Variants in NIPAL2 observed in about 807,000 individuals in gnomAD.
NIPAL2 encodes the protein NIPA like domain containing 2, also known as NIPA-like protein 2.
In NIPAL2, 43 loss-of-function variants were observed where a neutral mutation model predicts 48.9. That is an observed-to-expected ratio of 0.88 (90% CI 0.69 to 1.13). NIPAL2 has a LOEUF of 1.13. Ranked by LOEUF, NIPAL2 falls within the 50% of genes most tolerant of loss-of-function variation. The pLI, the probability that NIPAL2 is intolerant of heterozygous loss-of-function variation, is 0.00. For synonymous variants in NIPAL2, 167 were observed against 174.6 expected, an observed-to-expected ratio of 0.96 and a Z score of 0.34; for missense variants, 446 against 461.4, an observed-to-expected ratio of 0.97 and a Z score of 0.31.
chr8:98,193,011 T>G lies in NIPAL2; in HGVS notation c.1119A>C (p.Thr373=), dbSNP rs369076771. The G allele has an allele frequency of 8.1e-6, 13 of 1,613,882 alleles. No homozygotes were observed. The highest frequency in any genetic ancestry group is 8.5e-6 in the Non-Finnish European group (10 of 1,179,884). The change falls in exon 11 of 11, where the codon ACA becomes ACC. Residue 373 remains threonine, a synonymous_variant. Transcript: ENST00000430223. ...CTTTCTTCTCTCCACTTTGGCTCTT[T>G]GTTGAGTCACTTCCATCAGGCAAAG... ...YGTLPDGSDS[T]KSQSGEKKEV
intron 8 of NIPAL2, among the ~76,000 whole-genome samples, chr8:98,198,521 GTCT>G (rs1260090594): frequency 1.6e-4 from 24 of 152,230 alleles, no homozygotes; most frequent in Admixed American, 1.6e-3. Context: ...CCTAGATGGT[GTCT>G]TCTTCTAATA....
chr8:98,246,944 G>C (rs961560756), intron 3 of NIPAL2, among the ~76,000 whole-genome samples: 1 of 152,156 alleles, frequency 6.6e-6, no homozygotes, highest in African/African-American at 2.4e-5. Flanking sequence ...CAATTCTTTG[G>C]ATTGTTGATA....
At chr8:98,196,350 G>A (rs1810548773) in intron 8 of NIPAL2, among the ~76,000 whole-genome samples, 1 of 152,144 alleles carries the variant, frequency 6.6e-6, no homozygotes, top group Non-Finnish European at 1.5e-5. Context: ...TGCAGTTTTA[G>A]GTCAGGGGTC....
At chr8:98,255,954 G>A (rs961957771) in intron 1 of NIPAL2, among the ~76,000 whole-genome samples, 1 of 152,096 alleles carries the variant, frequency 6.6e-6, no homozygotes, top group East Asian at 1.9e-4. Context: ...TAATTTCTTG[G>A]ATATGACACC....
chr8:98,228,694 T>A (rs1047153712), intron 4 of NIPAL2, among the ~76,000 whole-genome samples: 2 of 146,172 alleles, frequency 1.4e-5, no homozygotes, highest in African/African-American at 2.6e-5. Context: ...AGGCATGCCA[T>A]GAGCCAATGG....
intron 3 of NIPAL2, among the ~76,000 whole-genome samples, chr8:98,249,984 C>T (rs1813506593): frequency 6.6e-6 from 1 of 151,766 alleles, no homozygotes; most frequent in East Asian, 1.9e-4. Context: ...AAAAATGGAG[C>T]GCAATGTGTT....
chr8:98,270,688 G>C (rs971781865), intron 1 of NIPAL2, among the ~76,000 whole-genome samples: 3 of 152,046 alleles, frequency 2.0e-5, no homozygotes, highest in Non-Finnish European at 4.4e-5. Flanking sequence ...GTGTGCAGAA[G>C]CTCTTTAGCT....
intron 1 of NIPAL2, among the ~76,000 whole-genome samples, chr8:98,254,939 T>G (rs1291890512): frequency 6.6e-6 from 1 of 152,240 alleles, no homozygotes; most frequent in African/African-American, 2.4e-5. Context: ...TCAGACCACC[T>G]TGGCCCACCT....
chr8:98,246,457 T>C (rs1158065968), intron 3 of NIPAL2, among the ~76,000 whole-genome samples: 2 of 152,208 alleles, frequency 1.3e-5, no homozygotes, highest in Admixed American at 1.3e-4. Context: ...GTGCGACTAC[T>C]TCTCTTAGGA....
intron 9 of NIPAL2, 41 bp from the exon 10 acceptor site, chr8:98,194,863 A>G (rs774385017): frequency 8.4e-6 from 10 of 1,193,046 alleles, no homozygotes; most frequent in Admixed American, 5.1e-5. Flanking sequence ...GAACACTGAA[A>G]CAGACTCATG....
intron 5 of NIPAL2, among the ~76,000 whole-genome samples, chr8:98,219,852 C>A (rs140341066): frequency 1.3e-5 from 2 of 152,280 alleles, no homozygotes; most frequent in Non-Finnish European, 2.9e-5. Context: ...GTCTGCTGTT[C>A]CCTCTGCTAG....
chr8:98,257,663 A>G (rs1168914846), intron 1 of NIPAL2, among the ~76,000 whole-genome samples: 2 of 152,156 alleles, frequency 1.3e-5, no homozygotes, highest in East Asian at 3.9e-4. Context: ...TCCCTGATCC[A>G]GGAGAGAATT....
At chr8:98,262,706 T>C (rs1453074779) in intron 1 of NIPAL2, among the ~76,000 whole-genome samples, 1 of 151,392 alleles carries the variant, frequency 6.6e-6, no homozygotes, top group Non-Finnish European at 1.5e-5. Flanking sequence ...ACTGTCAACA[T>C]TAGACAGATC....
At chr8:98,245,676 T>C (rs1048055804) in intron 3 of NIPAL2, among the ~76,000 whole-genome samples, 3 of 152,230 alleles carry the variant, frequency 2.0e-5, no homozygotes, top group Non-Finnish European at 2.9e-5. Context: ...TATTACAAAT[T>C]TAATTGTGTG....
chr8:98,189,874 G>A lies in NIPAL2; in HGVS notation c.*3104C>T, dbSNP rs1810233694. 6.6e-6 allele frequency: 1 copy of A among 152,092 alleles called. No individual in the cohort carries two copies. Among genetic ancestry groups the A allele is most frequent in the Non-Finnish European group, 1.5e-5 (1 of 68,030 alleles). The allele number at this position is 152,092 out of a possible 1,614,324, so 9.4% of individuals were successfully genotyped here. A position where few individuals can be genotyped will look rare whatever the true frequency, so the allele number is the denominator to read the frequency against. The stretch of plus-strand genomic sequence containing the variant: ...TTGTATTTGTTTTCAAGTGATTCTG[G>A]TAACCAAAGTATTACAGTTACAGGG... On this transcript the variant is annotated 3_prime_UTR_variant, in exon 11 of 11. Coordinates refer to ENST00000430223, the MANE Select transcript of NIPAL2 (RefSeq NM_001321635.2).
intron 10 of NIPAL2, 97 bp from the exon 11 acceptor site, chr8:98,193,187 C>G: frequency 8.9e-7 from 1 of 1,119,538 alleles, no homozygotes; most frequent in Non-Finnish European, 1.4e-6. Context: ...TATCACCTCT[C>G]TTTTATACTA....
intron 1 of NIPAL2, among the ~76,000 whole-genome samples, chr8:98,256,328 T>G (rs944021225): frequency 6.6e-6 from 1 of 152,124 alleles, no homozygotes; most frequent in East Asian, 1.9e-4. Context: ...TGGCTGAGAT[T>G]AACAACTTTT....
At chr8:98,199,694 A>G (rs1810717109) in intron 8 of NIPAL2, among the ~76,000 whole-genome samples, 1 of 152,194 alleles carries the variant, frequency 6.6e-6, no homozygotes, top group South Asian at 2.1e-4. Context: ...TAATGCAAGA[A>G]TTACTAAAAC....
intron 1 of NIPAL2, among the ~76,000 whole-genome samples, chr8:98,269,643 G>A (rs540699622): frequency 1.3e-5 from 2 of 152,190 alleles, no homozygotes; most frequent in South Asian, 2.1e-4. Flanking sequence ...GTTATTTTTG[G>A]TTATTGTTTT....
Sources: allele counts gnomAD v4.1 joint callset (sites outside exome capture counted in the v4.1 genomes callset), GRCh38; gene constraint gnomAD v4.1.1; transcripts MANE v1.5; gene names NCBI Gene and HGNC (gene_info 2026-07-23, HGNC 2026-07-21).